The following GPC6 variants were observed in gnomAD, a reference collection of about 807,000 sequenced individuals.
The protein encoded by GPC6 is glypican-6.
In GPC6, 14 loss-of-function variants were observed where a neutral mutation model predicts 55.2. The observed-to-expected ratio is 0.25, with a 90% CI of 0.17 to 0.40. The LOEUF (loss-of-function observed/expected upper bound fraction) is 0.40, where lower values mean the gene tolerates loss of function less well. Ranked by LOEUF, GPC6 falls within the 10% of genes least tolerant of loss-of-function variation. GPC6 has a pLI of 1.00. For missense variants in GPC6, 641 were observed against 708.5 expected (o/e 0.90, Z 1.08); for synonymous variants, 278 against 259.6 (o/e 1.07, Z -0.68).
intron 3 of GPC6, among the ~76,000 whole-genome samples, chr13:93,831,325 G>T (rs1887486974): frequency 6.6e-6 from 1 of 152,068 alleles, no homozygotes; most frequent in Non-Finnish European, 1.5e-5. Context: ...TTTTGTTTAA[G>T]TTCTTTCTTG....
At chr13:93,692,911 G>C (rs1292978639) in intron 2 of GPC6, among the ~76,000 whole-genome samples, 2 of 151,970 alleles carry the variant, frequency 1.3e-5, no homozygotes, top group African/African-American at 4.8e-5. Flanking sequence ...AAGCAACTTT[G>C]CATGGATCAC....
At chr13:93,917,006 T>C (rs184230788) in intron 3 of GPC6, among the ~76,000 whole-genome samples, 38 of 152,274 alleles carry the variant, frequency 2.5e-4, no homozygotes, top group African/African-American at 8.9e-4. Flanking sequence ...CAAATTCGCT[T>C]TCCTTGTAGT....
At chr13:94,372,246 C>A (rs1230149007) in intron 6 of GPC6, among the ~76,000 whole-genome samples, 2 of 152,202 alleles carry the variant, frequency 1.3e-5, no homozygotes, top group Admixed American at 6.5e-5. Flanking sequence ...CAGTCTACAG[C>A]TCCCAGCGTG....
At chr13:94,255,520 A>C (rs1444222363) in intron 4 of GPC6, among the ~76,000 whole-genome samples, 1 of 152,170 alleles carries the variant, frequency 6.6e-6, no homozygotes, top group Non-Finnish European at 1.5e-5. Flanking sequence ...ACTTCTTGAA[A>C]TACTTGGTTT....
At chr13:93,782,830 G>C (rs532270327) in intron 2 of GPC6, among the ~76,000 whole-genome samples, 22 of 151,876 alleles carry the variant, frequency 1.4e-4, no homozygotes, top group Non-Finnish European at 2.5e-4. Context: ...TAGGATTCTG[G>C]GTAATATTTA....
chr13:93,266,134 G>T (rs1474835553), intron 1 of GPC6, among the ~76,000 whole-genome samples: 1 of 152,082 alleles, frequency 6.6e-6, no homozygotes, highest in Non-Finnish European at 1.5e-5. Context: ...TACACTGTCT[G>T]ATTTCCAATA....
intron 4 of GPC6, among the ~76,000 whole-genome samples, chr13:94,260,571 T>C (rs965689509): frequency 6.6e-6 from 1 of 152,176 alleles, no homozygotes; most frequent in Non-Finnish European, 1.5e-5. Context: ...TTAGGGCCCA[T>C]CCATATGACC....
chr13:93,228,139 G>A (rs1321823239), intron 1 of GPC6, among the ~76,000 whole-genome samples: 1 of 152,154 alleles, frequency 6.6e-6, no homozygotes, highest in Non-Finnish European at 1.5e-5. Flanking sequence ...TCCTTCGGGC[G>A]ACAGAGCGCC....
chr13:93,646,002 A>G (rs1235139692), intron 2 of GPC6, among the ~76,000 whole-genome samples: 4 of 152,162 alleles, frequency 2.6e-5, no homozygotes, highest in Non-Finnish European at 5.9e-5. Flanking sequence ...TTCTGTTAGA[A>G]TGGTAGGCCC....
rs541092256 is a variant in GPC6, at chr13:93,576,705, C to T, written c.319+31284C>T. Among the ~76,000 whole-genome samples the T allele has an allele frequency of 2.0e-5, 3 of 152,136 alleles. No homozygotes were observed. In the South Asian group the frequency reaches 6.2e-4, roughly 32 times the overall value. ...TAAAACATAAAATTTTACCCCATGA[C>T]CTTCACGGTTCTTAATAGTGCTACT... On this transcript the variant is annotated intron_variant, in intron 2 of 8. Transcript: ENST00000377047.
At chr13:93,880,593 T>C (rs902771874) in intron 3 of GPC6, among the ~76,000 whole-genome samples, 3 of 152,034 alleles carry the variant, frequency 2.0e-5, no homozygotes, top group East Asian at 1.9e-4. Flanking sequence ...AGGGATAGTA[T>C]TGGGAGATAT....
At chr13:93,500,138 A>G (rs995561718) in intron 1 of GPC6, among the ~76,000 whole-genome samples, 1 of 152,142 alleles carries the variant, frequency 6.6e-6, no homozygotes, top group Non-Finnish European at 1.5e-5. Context: ...CCACGAGCAG[A>G]TAGGACAGAT....
At chr13:93,527,626 A>G (rs956777631) in intron 1 of GPC6, among the ~76,000 whole-genome samples, 1 of 152,096 alleles carries the variant, frequency 6.6e-6, no homozygotes, top group African/African-American at 2.4e-5. Context: ...ATATTTAGGT[A>G]CCTATACACA....
At chr13:94,324,227 A>C (rs1039983544) in intron 6 of GPC6, among the ~76,000 whole-genome samples, 8 of 151,422 alleles carry the variant, frequency 5.3e-5, no homozygotes, top group Admixed American at 5.3e-4. Flanking sequence ...CAGGGGACCC[A>C]TGGCCTCTCC....
At chr13:93,547,981 C>T (rs1488484641) in intron 2 of GPC6, among the ~76,000 whole-genome samples, 1 of 152,094 alleles carries the variant, frequency 6.6e-6, no homozygotes. Flanking sequence ...CCATTTGTTC[C>T]TTTCTTCCTC....
intron 1 of GPC6, among the ~76,000 whole-genome samples, chr13:93,337,724 T>G (rs751300585): frequency 6.6e-6 from 1 of 152,220 alleles, no homozygotes; most frequent in Non-Finnish European, 1.5e-5. Context: ...CTGGTGGAGA[T>G]GCTTATGTTG....
chr13:94,173,798 T>G (rs1329360602), intron 4 of GPC6, among the ~76,000 whole-genome samples: 1 of 152,198 alleles, frequency 6.6e-6, no homozygotes, highest in African/African-American at 2.4e-5. Context: ...GTTGATAAGC[T>G]GAGGGAAACT....
chr13:94,315,391 A>C (rs897330260), intron 6 of GPC6, among the ~76,000 whole-genome samples: 4 of 152,216 alleles, frequency 2.6e-5, no homozygotes, highest in Non-Finnish European at 5.9e-5. Context: ...ACATGTGGTC[A>C]TCACCCTTAC....
chr13:94,350,075 T>TTGTGTGTGTGTGTC (rs1878467781), intron 6 of GPC6, among the ~76,000 whole-genome samples: 2 of 150,150 alleles, frequency 1.3e-5, no homozygotes, highest in African/African-American at 4.9e-5. Context: ...TATATATCTT[T>TTGTGTGTGTGTGTC]TGTGTGTGTG....
Sources: gnomAD v4.1 joint callset for allele counts (sites outside exome capture counted in the v4.1 genomes callset) on GRCh38, gnomAD v4.1.1 for gene constraint, MANE v1.5 for transcripts, NCBI Gene and HGNC (gene_info 2026-07-23, HGNC 2026-07-21) for gene names.